Variants in SMYD3 observed in about 807,000 individuals in gnomAD.
SMYD3 encodes histone-lysine N-methyltransferase SMYD3.
Under a neutral mutation model 57.7 loss-of-function variants are expected in SMYD3, and 36 were observed. That is an observed-to-expected ratio of 0.62 (90% CI 0.48 to 0.82). The LOEUF (loss-of-function observed/expected upper bound fraction) is 0.82. Among genes scored for constraint, SMYD3 ranks in the 40% least tolerant of loss-of-function variants. The pLI is 0.00. For synonymous variants in SMYD3, 211 were observed against 195.0 expected, an observed-to-expected ratio of 1.08 and a Z score of -0.68; for missense variants, 515 against 538.8, an observed-to-expected ratio of 0.96 and a Z score of 0.44.
At chr1:246,218,569 C>G (rs1470882680) in intron 5 of SMYD3, among the ~76,000 whole-genome samples, 1 of 150,724 alleles carries the variant, frequency 6.6e-6, no homozygotes, top group Non-Finnish European at 1.5e-5. Flanking sequence ...TGCAGTAAAC[C>G]GAGATGGCGC....
intron 7 of SMYD3, among the ~76,000 whole-genome samples, chr1:245,921,154 C>G (rs79492745): frequency 0.066 from 9,985 of 152,154 alleles, 635 homozygotes; most frequent in African/African-American, 0.15. Flanking sequence ...AGAAGACATA[C>G]CAGCAGCCAA....
intron 5 of SMYD3, among the ~76,000 whole-genome samples, chr1:246,269,440 T>C (rs552729755): frequency 4.5e-4 from 69 of 152,278 alleles, no homozygotes; most frequent in African/African-American, 1.6e-3. Context: ...TTAGAATCCT[T>C]ATCTGTCCAA....
At chr1:246,109,377 A>AG (rs2061188653) in intron 5 of SMYD3, among the ~76,000 whole-genome samples, 1 of 152,220 alleles carries the variant, frequency 6.6e-6, no homozygotes, top group African/African-American at 2.4e-5. Flanking sequence ...GCCCTACAGC[A>AG]GTCACTTCGC....
chr1:246,114,170 G>C (rs1055035754), intron 5 of SMYD3, among the ~76,000 whole-genome samples: 1 of 152,160 alleles, frequency 6.6e-6, no homozygotes, highest in African/African-American at 2.4e-5. Flanking sequence ...AGACATTTCC[G>C]TGTCCAGCCA....
chr1:245,757,003 C>T (rs1409001013), intron 11 of SMYD3, among the ~76,000 whole-genome samples: 18 of 152,058 alleles, frequency 1.2e-4, no homozygotes, highest in Non-Finnish European at 2.9e-5. Context: ...CTAATAGTTA[C>T]CATTTTAACT....
intron 8 of SMYD3, among the ~76,000 whole-genome samples, chr1:245,893,698 T>A (rs533533067): frequency 7.9e-5 from 12 of 152,244 alleles, no homozygotes; most frequent in Admixed American, 7.8e-4. Context: ...GGTATAGACA[T>A]GGATACAACG....
chr1:246,350,676 C>T (rs1286808136), intron 2 of SMYD3, among the ~76,000 whole-genome samples: 1 of 152,062 alleles, frequency 6.6e-6, no homozygotes, highest in African/African-American at 2.4e-5. Context: ...ACACGTTACA[C>T]CAGAGACGCC....
At chr1:246,083,520 C>CT (rs11273619) in intron 5 of SMYD3, among the ~76,000 whole-genome samples, 26 of 152,166 alleles carry the variant, frequency 1.7e-4, no homozygotes, top group African/African-American at 6.3e-4. Context: ...GGCGCGGGTC[C>CT]CCTGCGCCCA....
intron 5 of SMYD3, among the ~76,000 whole-genome samples, chr1:246,061,013 G>T (rs1392207932): frequency 6.6e-6 from 1 of 151,726 alleles, no homozygotes; most frequent in African/African-American, 2.4e-5. Context: ...GGATCATGAG[G>T]TCAGGGGTTT....
chr1:246,335,623 A>C, intron 2 of SMYD3, 149 bp from the exon 3 acceptor site: 1 of 653,850 alleles, frequency 1.5e-6, no homozygotes, highest in Non-Finnish European at 2.6e-6. Flanking sequence ...TCTAAATCTG[A>C]AAATAATCCA....
At chr1:246,243,037 A>G (rs934790143) in intron 5 of SMYD3, among the ~76,000 whole-genome samples, 3 of 152,204 alleles carry the variant, frequency 2.0e-5, no homozygotes, top group African/African-American at 7.2e-5. Flanking sequence ...AACATTAGAC[A>G]GATCAATGAG....
intron 5 of SMYD3, among the ~76,000 whole-genome samples, chr1:246,054,256 A>G (rs1482335130): frequency 6.6e-6 from 1 of 152,256 alleles, no homozygotes; most frequent in East Asian, 1.9e-4. Context: ...GAAATTAAAA[A>G]GACTGACACT....
At chr1:246,396,561 G>T (rs967644031) in intron 1 of SMYD3, among the ~76,000 whole-genome samples, 1 of 152,156 alleles carries the variant, frequency 6.6e-6, no homozygotes, top group African/African-American at 2.4e-5. Context: ...TGATACTTAA[G>T]ATAACCAGTG....
intron 2 of SMYD3, among the ~76,000 whole-genome samples, chr1:246,345,165 G>A (rs996403418): frequency 3.3e-5 from 5 of 152,104 alleles, no homozygotes; most frequent in African/African-American, 1.2e-4. Context: ...TATCCAAAGA[G>A]TTTCTCCTAT....
intron 5 of SMYD3, among the ~76,000 whole-genome samples, chr1:246,255,749 C>A (rs140014367): frequency 0.012 from 1,720 of 146,328 alleles, 18 homozygotes; most frequent in Middle Eastern, 0.032. Context: ...CAGAATCTGG[C>A]AGCGAATCCA....
At chr1:245,786,257 C>T (rs182578143) in intron 10 of SMYD3, among the ~76,000 whole-genome samples, 2 of 149,842 alleles carry the variant, frequency 1.3e-5, no homozygotes, top group East Asian at 4.0e-4. Flanking sequence ...GAAAAAGAAG[C>T]CTACGGAAAC....
chr1:245,862,871 T>C (rs1466264035), intron 9 of SMYD3, among the ~76,000 whole-genome samples: 1 of 152,220 alleles, frequency 6.6e-6, no homozygotes, highest in Non-Finnish European at 1.5e-5. Context: ...TTCCATTCCT[T>C]AGTAACCAAT....
intron 5 of SMYD3, among the ~76,000 whole-genome samples, chr1:245,980,287 T>C (rs2058563357): frequency 6.6e-6 from 1 of 152,218 alleles, no homozygotes; most frequent in African/African-American, 2.4e-5. Context: ...CTTGCACATG[T>C]GTGGCAGGTA....
At chr1:246,312,806 G>A (rs1342941262) in intron 5 of SMYD3, among the ~76,000 whole-genome samples, 2 of 152,204 alleles carry the variant, frequency 1.3e-5, no homozygotes, top group East Asian at 1.9e-4. Flanking sequence ...TGGTGAGACA[G>A]GCAGAAGGAC....
Sources: allele counts gnomAD v4.1 joint callset (sites outside exome capture counted in the v4.1 genomes callset), GRCh38; gene constraint gnomAD v4.1.1; transcripts MANE v1.5; gene names NCBI Gene and HGNC (gene_info 2026-07-23, HGNC 2026-07-21).